The following ZC3H18 variants were observed in gnomAD, a reference collection of about 807,000 sequenced individuals.
The protein encoded by ZC3H18 is zinc finger CCCH-type containing 18.
ZC3H18 carries 8 observed loss-of-function variants against 106.1 expected under a neutral mutation model. The observed-to-expected ratio is 0.08, with a 90% CI of 0.04 to 0.14. The LOEUF (loss-of-function observed/expected upper bound fraction) is 0.14, where lower values mean the gene tolerates loss of function less well. Ranked by LOEUF, ZC3H18 falls within the 10% of genes least tolerant of loss-of-function variation. The probability of loss-of-function intolerance (pLI) is 1.00; values close to 1 mark genes in which losing one functional copy is unlikely to be tolerated. For synonymous variants in ZC3H18, 635 were observed against 522.1 expected, an observed-to-expected ratio of 1.22 and a Z score of -2.95; for missense variants, 1,318 against 1,278.4, an observed-to-expected ratio of 1.03 and a Z score of -0.47.
chr16:88,593,778 C>T (rs946580799), intron 3 of ZC3H18, among the ~76,000 whole-genome samples: 4 of 152,192 alleles, frequency 2.6e-5, no homozygotes, highest in African/African-American at 9.7e-5. Context: ...GAACAACGGA[C>T]AGTGTTAGCA....
chr16:88,617,746 T>C (rs1419624401), intron 8 of ZC3H18, among the ~76,000 whole-genome samples: 2 of 152,238 alleles, frequency 1.3e-5, no homozygotes, highest in Admixed American at 6.5e-5. Flanking sequence ...CCCCGGGCTC[T>C]TCATTCTCAC....
chr16:88,571,973 C>T (rs551438597), intron 1 of ZC3H18, among the ~76,000 whole-genome samples: 1 of 152,340 alleles, frequency 6.6e-6, no homozygotes, highest in African/African-American at 2.4e-5. Flanking sequence ...GCCAGAATCT[C>T]TTTAGAACTC....
chr16:88,588,720 A>C (rs1915576434), intron 3 of ZC3H18, among the ~76,000 whole-genome samples: 1 of 152,178 alleles, frequency 6.6e-6, no homozygotes, highest in Non-Finnish European at 1.5e-5. Context: ...GTCTCTACAA[A>C]AAATGAAAAC....
intron 1 of ZC3H18, among the ~76,000 whole-genome samples, chr16:88,576,777 T>C (rs1597317657): frequency 1.3e-5 from 2 of 152,220 alleles, no homozygotes; most frequent in South Asian, 4.1e-4. Flanking sequence ...AGCTGTCCTT[T>C]GCGATCCGTA....
intron 3 of ZC3H18, among the ~76,000 whole-genome samples, chr16:88,592,917 AAACTT>A (rs1915836225): frequency 6.6e-6 from 1 of 152,202 alleles, no homozygotes; most frequent in Non-Finnish European, 1.5e-5. Context: ...TCTTTTTAAA[AAACTT>A]TATTAAAGTA....
At chr16:88,631,070 G>C (rs748213323) in intron 17 of ZC3H18, 31 bp from the exon 18 acceptor site, 6 of 1,610,072 alleles carry the variant, frequency 3.7e-6, no homozygotes, top group Non-Finnish European at 5.1e-6. Flanking sequence ...GTGGCTTCTG[G>C]GGGCTCAAGG....
intron 8 of ZC3H18, among the ~76,000 whole-genome samples, chr16:88,612,323 A>AT (rs1162802340): frequency 6.6e-6 from 1 of 152,052 alleles, no homozygotes; most frequent in Non-Finnish European, 1.5e-5. Context: ...TTTCTAGAAT[A>AT]TTCACAGAGT....
At chr16:88,601,015 C>T (rs1218013825) in intron 6 of ZC3H18, among the ~76,000 whole-genome samples, 1 of 152,238 alleles carries the variant, frequency 6.6e-6, no homozygotes, top group Admixed American at 6.5e-5. Context: ...GCGTGCAGGG[C>T]TTGCACTCCA....
intron 2 of ZC3H18, among the ~76,000 whole-genome samples, chr16:88,578,403 A>G (rs1429077960): frequency 2.6e-5 from 4 of 152,164 alleles, no homozygotes; most frequent in Non-Finnish European, 4.4e-5. Context: ...TTAGCAGTTG[A>G]TGCCGTTGGA....
At chr16:88,579,276 T>TC (rs905443378) in intron 2 of ZC3H18, among the ~76,000 whole-genome samples, 2 of 152,172 alleles carry the variant, frequency 1.3e-5, no homozygotes, top group African/African-American at 4.8e-5. Context: ...AGATTCAGGT[T>TC]CATCAGCTGG....
At chr16:88,601,543 C>G (rs545336268) in intron 6 of ZC3H18, among the ~76,000 whole-genome samples, 1 of 152,030 alleles carries the variant, frequency 6.6e-6, no homozygotes, top group African/African-American at 2.4e-5. Flanking sequence ...TGTGTTTTAC[C>G]TATCAGTGTT....
At chr16:88,580,936 A>T (rs771578142) in intron 2 of ZC3H18, among the ~76,000 whole-genome samples, 3 of 152,060 alleles carry the variant, frequency 2.0e-5, no homozygotes, top group Non-Finnish European at 4.4e-5. Context: ...ACCTTCGCAA[A>T]TGGATGTTTC....
intron 16 of ZC3H18, 120 bp from the exon 17 acceptor site, chr16:88,630,365 G>A: frequency 1.5e-6 from 1 of 666,750 alleles, no homozygotes; most frequent in South Asian, 1.9e-5. Context: ...TTATAAAAAT[G>A]AAGGTGGTGA....
In ZC3H18 at chr16:88,624,004, C is replaced by T. The variant is rs1248899926; in HGVS notation, c.1840C>T (p.Pro614Ser). 1 of 1,614,088 alleles carries T rather than the reference C, an allele frequency of 6.2e-7. No homozygotes were observed. The highest frequency in any genetic ancestry group is 1.1e-5 in the South Asian group (1 of 91,076). ...CCCGTCCCCGTCCCCAACACCTTCC[C>T]CACATAGACCTTCCATCAGAACCAA... ...SSPSPSPTPS[P>S]HRPSIRTKGE... Residue 614 changes from proline to serine, a missense_variant, in exon 11 of 18, where the codon CCA (proline) becomes TCA (serine). Physicochemically the swap from Pro to Ser is moderately conservative, Grantham distance 74 (BLOSUM62 -1). Coordinates refer to ENST00000301011, the MANE Select transcript of ZC3H18 (RefSeq NM_144604.4).
At chr16:88,628,626 G>C in intron 15 of ZC3H18, 132 bp from the exon 16 acceptor site, 1 of 925,230 alleles carries the variant, frequency 1.1e-6, no homozygotes, top group South Asian at 1.5e-5. Context: ...AGGGCTACGG[G>C]GTCTCATGGG....
chr16:88,600,059 A>T (rs1489462807), intron 6 of ZC3H18, 111 bp downstream of exon 6: 1 of 1,335,140 alleles, frequency 7.5e-7, no homozygotes, highest in South Asian at 1.4e-5. Context: ...ACCCAGCCCC[A>T]CTCACTGGAG....
chr16:88,599,260 C>G (rs921093916), intron 5 of ZC3H18, among the ~76,000 whole-genome samples: 3 of 152,244 alleles, frequency 2.0e-5, no homozygotes, highest in Non-Finnish European at 2.9e-5. Context: ...TCTGCTCTTC[C>G]TGGAGAAAAC....
Position 88,577,672 on chromosome 16 carries a change from C to T in ZC3H18, c.549C>T (p.Ala183=). 1 of 1,613,696 alleles carries T rather than the reference C, an allele frequency of 6.2e-7. No individual in the cohort carries two copies. ...GAGAAAAGGAATCCCTGGAGGCTGC[C>T]AAGGAGAAAAAGAAAGAGGACGATG... ...SVGEKESLEA[A]KEKKKEDDDG... Residue 183 remains alanine, a synonymous_variant, in exon 2 of 18, where the codon GCC becomes GCT. Transcript: ENST00000301011.
At chr16:88,581,579 T>A (rs1411117012) in intron 2 of ZC3H18, among the ~76,000 whole-genome samples, 1 of 152,160 alleles carries the variant, frequency 6.6e-6, no homozygotes, top group Non-Finnish European at 1.5e-5. Context: ...GGACCAGCAG[T>A]TTGCAGCACC....
Sources: gnomAD v4.1 joint callset for allele counts (sites outside exome capture counted in the v4.1 genomes callset) on GRCh38, gnomAD v4.1.1 for gene constraint, MANE v1.5 for transcripts, NCBI Gene and HGNC (gene_info 2026-07-23, HGNC 2026-07-21) for gene names.